ZNF878: variants seen among roughly 807,000 people sequenced by gnomAD.
ZNF878 encodes the protein zinc finger protein 878.
ZNF878 carries 10 observed loss-of-function variants against 11.1 expected under a neutral mutation model. The observed-to-expected ratio is 0.90, with a 90% CI of 0.56 to 1.53. The LOEUF (loss-of-function observed/expected upper bound fraction) is 1.53. ZNF878 is among the 40% of genes most tolerant of loss of function. The pLI, the probability that ZNF878 is intolerant of heterozygous loss-of-function variation, is 0.00. For missense variants in ZNF878, 548 were observed against 626.1 expected (o/e 0.88, Z 1.33); for synonymous variants, 165 against 209.7 (o/e 0.79, Z 1.84).
chr19:12,043,877 C>T lies in ZNF878; in HGVS notation c.1524G>A (p.Glu508=). The T allele has an allele frequency of 6.2e-7, 1 of 1,614,034 alleles. No individual in the cohort carries two copies. The highest frequency in any genetic ancestry group is 8.5e-7 in the Non-Finnish European group (1 of 1,179,998). The change falls in exon 4 of 4, where the codon GAG becomes GAA. Residue 508 remains glutamate (E), a synonymous_variant. Transcript: ENST00000547628. ...TAAAGGCTTTACCACATTGCTTACA[C>T]TCATAGGGTTTCTCTCCAGTATGAA... is the stretch of plus-strand genomic sequence containing the variant. ...ERIHTGEKPY[E]CKQCGKAFRS...
chr19:12,047,418 G>C (rs1975504679), intron 1 of ZNF878, among the ~76,000 whole-genome samples: 1 of 151,786 alleles, frequency 6.6e-6, no homozygotes, highest in African/African-American at 2.4e-5. Flanking sequence ...AATAAAATTA[G>C]CCAGGCATAG....
Position 12,044,979 on chromosome 19 carries a change from T to G in ZNF878, c.422A>C (p.Lys141Thr). ...CCCACATTCCTTACATTCATAAGGCTTTTCCCCAGTGTGAGTTCTTCCATG... is the reference window on the plus strand; with the variant it reads ...CCCACATTCCTTACATTCATAAGGCGTTTCCCCAGTGTGAGTTCTTCCATG... ...AIHGRTHTGE[K>T]PYECKECGKA... The change falls in exon 4 of 4, where the codon AAG (lysine) becomes ACG (threonine). Residue 141 changes from lysine to threonine, a missense_variant. Around this residue, in one of 3 missense-constraint regions of ZNF878, gnomAD observed 160 missense variants for 173.3 expected, o/e 0.92. Transcript: ENST00000547628. The G allele has an allele frequency of 6.2e-7, 1 of 1,614,134 alleles. No homozygotes were observed. Among genetic ancestry groups the G allele is most frequent in the Admixed American group, 1.7e-5 (1 of 60,020 alleles).
At position 12,044,191 on chromosome 19, in the gene ZNF878, A is replaced by G; in HGVS notation, c.1210T>C (p.Phe404Leu). The G allele has an allele frequency of 6.2e-7, 1 of 1,614,046 alleles. No homozygotes were observed. The part of the protein sequence containing the change: ...PYECKQCGKA[F>L]RSASVLQKHI... ...TTTTGAAGGACTGAGGCAGATCTGA[A>G]GGCTTTCCCACATTGCTTACACTCA... is the stretch of plus-strand genomic sequence containing the variant. Residue 404 changes from phenylalanine to leucine, a missense_variant, in exon 4 of 4, where the codon TTC becomes CTC. Physicochemically the swap from Phe to Leu is conservative, Grantham distance 22. This residue lies in a region of ZNF878 where 335 missense variants were observed against 358.2 expected (regional missense o/e 0.94). Transcript: ENST00000547628.
rs1437499349 is a variant in ZNF878 at position 12,044,774 on chromosome 19, A to C, written c.627T>G (p.Ser209=). Residue 209 remains serine (S), a synonymous_variant, in exon 4 of 4, where the codon TCT becomes TCG. Transcript: ENST00000547628. The stretch of plus-strand genomic sequence containing the variant: ...TGTGTGTCTGAAAGCTTACAAGATA[A>C]GATAATGCTTTCCCACACTGCTTAC... ...YECKQCGKAL[S]YLVSFQTHMR... is the part of the protein sequence containing the mutation. 3.7e-6 allele frequency: 6 copies of C among 1,614,182 alleles called. No homozygotes were observed. The highest frequency in any genetic ancestry group is 5.1e-6 in the Non-Finnish European group (6 of 1,180,034).
chr19:12,052,943 C>A lies in ZNF878; in HGVS notation c.-142G>T. On this transcript the variant is annotated 5_prime_UTR_variant, in exon 1 of 4. Transcript: ENST00000547628. ...CAAGAAAGCCCCAGACCTTAACTAG[C>A]GCGAGCAGCCCTAGGAGTGAAGAGA... is the stretch of plus-strand genomic sequence containing the variant. 7.4e-7 allele frequency: 1 copy of A among 1,359,882 alleles called. No homozygotes were observed. 84.2% of individuals were successfully genotyped at this position (1,359,882 alleles called of 1,614,324 possible).
At position 12,044,952 on chromosome 19, in the gene ZNF878, T is replaced by C; in HGVS notation, c.449A>G (p.Lys150Arg). ...EKPYECKECG[K>R]AFRFPSSVRR... Reference sequence around the variant, plus strand: ...AACAGAACTGGGAAACCTGAATGCTTTCCCACATTCCTTACATTCATAAGG... The same window carrying C: ...AACAGAACTGGGAAACCTGAATGCTCTCCCACATTCCTTACATTCATAAGG... Residue 150 changes from lysine (K) to arginine (R), a missense_variant, in exon 4 of 4, where the codon AAA becomes AGA. Coordinates refer to ENST00000547628, the MANE Select transcript of ZNF878 (RefSeq NM_001080404.3). The C allele has an allele frequency of 6.2e-7, 1 of 1,614,156 alleles. No homozygotes were observed. Among genetic ancestry groups the C allele is most frequent in the Admixed American group, 1.7e-5 (1 of 60,012 alleles).
At chr19:12,052,560 A>G (rs904057142) in intron 1 of ZNF878, among the ~76,000 whole-genome samples, 2 of 152,108 alleles carry the variant, frequency 1.3e-5, no homozygotes, top group African/African-American at 4.8e-5. Flanking sequence ...CTGCTCAGAG[A>G]GGGAGCCGGG....
At position 12,045,062 on chromosome 19, in the gene ZNF878, A is replaced by G. The variant is rs200589894; in HGVS notation, c.339T>C (p.Gly113=). 590 of 1,613,804 alleles carry G rather than the reference A, an allele frequency of 3.7e-4. 7 individuals are homozygous for G. The highest frequency in any genetic ancestry group is 6.8e-5 in the Non-Finnish European group (80 of 1,179,920). The change falls in exon 4 of 4, where the codon GGT becomes GGC. Residue 113 remains glycine (G), a synonymous_variant. Transcript: ENST00000547628. ...TGAGGTGCCTATTAAGGGATGAAAGACCTATGCCGATTTCTCCACACACAC... is the reference window on the plus strand; with the variant it reads ...TGAGGTGCCTATTAAGGGATGAAAGGCCTATGCCGATTTCTCCACACACAC... ...ESSVCGEIGI[G]LSSLNRHLRA...
At chr19:12,050,858 G>T (rs764903265) in intron 1 of ZNF878, among the ~76,000 whole-genome samples, 1 of 151,944 alleles carries the variant, frequency 6.6e-6, no homozygotes, top group Non-Finnish European at 1.5e-5. Flanking sequence ...ACTTTGGAAG[G>T]CCGAGGTGGG....
chr19:12,045,272 T>A, intron 3 of ZNF878, 63 bp from the exon 4 acceptor site: 1 of 1,309,156 alleles, frequency 7.6e-7, no homozygotes, highest in Non-Finnish European at 1.0e-6. Context: ...TTGCAAGTAT[T>A]ACACTTGCAT....
downstream of ZNF878, chr19:12,043,654 TG>T: frequency 1.4e-6 from 1 of 696,510 alleles, no homozygotes; most frequent in Non-Finnish European, 2.3e-6. Context: ...TTGCCCAAGC[TG>T]GTCTCAACCT....
At chr19:12,052,418 A>G (rs1189871827) in intron 1 of ZNF878, among the ~76,000 whole-genome samples, 1 of 151,378 alleles carries the variant, frequency 6.6e-6, no homozygotes, top group African/African-American at 2.4e-5. Context: ...TTTTAACTGG[A>G]AAAAAAAAGG....
chr19:12,051,934 A>G (rs1379738852), intron 1 of ZNF878, among the ~76,000 whole-genome samples: 4 of 152,174 alleles, frequency 2.6e-5, no homozygotes, highest in Non-Finnish European at 5.9e-5. Flanking sequence ...GGTAAAATAA[A>G]AACAGGTCTT....
In ZNF878 at chr19:12,044,622, C is replaced by T; in HGVS notation, c.779G>A (p.Cys260Tyr). 6.2e-7 allele frequency: 1 copy of T among 1,614,118 alleles called. No homozygotes were observed. Among genetic ancestry groups the T allele is most frequent in the Non-Finnish European group, 8.5e-7 (1 of 1,180,026 alleles). The part of the protein sequence containing the change: ...TGEKRYKCKQ[C>Y]DKAFNCPSSF... Reference sequence around the variant, plus strand: ...ACTGGGACAATTGAAGGCTTTATCACATTGCTTGCATTTATAGCGTTTCTC... The same window carrying T: ...ACTGGGACAATTGAAGGCTTTATCATATTGCTTGCATTTATAGCGTTTCTC... The change falls in exon 4 of 4, where the codon TGT becomes TAT. Residue 260 changes from cysteine (C) to tyrosine (Y), a missense_variant. Around this residue, in one of 3 missense-constraint regions of ZNF878, gnomAD observed 335 missense variants for 358.2 expected, o/e 0.94. Transcript: ENST00000547628.
chr19:12,047,116 C>T (rs888920775), intron 1 of ZNF878, among the ~76,000 whole-genome samples: 3 of 152,110 alleles, frequency 2.0e-5, no homozygotes, highest in East Asian at 1.9e-4. Context: ...ACAAATTTAA[C>T]GTGAGCAGCC....
intron 1 of ZNF878, among the ~76,000 whole-genome samples, chr19:12,052,471 C>T (rs945636976): frequency 1.3e-5 from 2 of 152,232 alleles, no homozygotes; most frequent in African/African-American, 4.8e-5. Flanking sequence ...ACACGAACCC[C>T]ACACCCGAGG....
At chr19:12,052,734 G>A in intron 1 of ZNF878, 65 bp downstream of exon 1, 1 of 1,529,400 alleles carries the variant, frequency 6.5e-7, no homozygotes, top group Non-Finnish European at 8.8e-7. Context: ...CCGCCACAGC[G>A]GGTTCCTCTC....
In ZNF878 at chr19:12,045,144, T is replaced by G; in HGVS notation, c.257A>C (p.Gln86Pro). 3 of 1,612,842 alleles carry G rather than the reference T, an allele frequency of 1.9e-6. No individual in the cohort carries two copies. The highest frequency in any genetic ancestry group is 2.5e-6 in the Non-Finnish European group (3 of 1,179,382). ...ESHQHGEVLT[Q>P]VPDDTLKKKT... is the part of the protein sequence containing the mutation. ...CTTCTTCAGTGTGTCATCTGGAACC[T>G]GTGTCAAAACTTCTCCATGCTGATG... Residue 86 changes from glutamine to proline, a missense_variant, in exon 4 of 4, where the codon CAG becomes CCG. By Grantham distance (76) the Gln-to-Pro change is moderately conservative. Around this residue, in one of 3 missense-constraint regions of ZNF878, gnomAD observed 160 missense variants for 173.3 expected, o/e 0.92. Transcript: ENST00000547628.
rs566788694 is a variant in ZNF878 at position 12,044,537 on chromosome 19, A to C, written c.864T>G (p.Cys288Trp). 1.9e-5 allele frequency: 30 copies of C among 1,613,846 alleles called. 1 individual carries two copies. Among genetic ancestry groups the C allele is most frequent in the African/African-American group, 1.2e-4 (9 of 74,936 alleles). Residue 288 changes from cysteine (C) to tryptophan (W), a missense_variant, in exon 4 of 4, where the codon TGT (cysteine) becomes TGG (tryptophan). Transcript: ENST00000547628. ...ACTTGACAGATCTGAAGGCTTTCCT[A>C]CATTGTGTACACTCATAGGGTTTCT... The part of the protein sequence containing the change: ...SGEKPYECTQ[C>W]RKAFRSVKYL...
Sources: gnomAD v4.1 joint callset for allele counts (sites outside exome capture counted in the v4.1 genomes callset) on GRCh38, gnomAD v4.1.1 for gene constraint, gnomAD v4.1.1 regional missense constraint, MANE v1.5 for transcripts, NCBI Gene and HGNC (gene_info 2026-07-23, HGNC 2026-07-21) for gene names.